The following SS18 variants were observed in gnomAD, a reference collection of about 807,000 sequenced individuals.
The protein encoded by SS18 is protein SSXT.
In SS18, 28 loss-of-function variants were observed where a neutral mutation model predicts 72.5. The observed-to-expected ratio is 0.39, with a 90% CI of 0.29 to 0.53. The LOEUF is 0.53. Among genes scored for constraint, SS18 ranks in the 20% least tolerant of loss-of-function variants. SS18 has a pLI of 0.76. For synonymous variants in SS18, 172 were observed against 164.2 expected (o/e 1.05, Z -0.37); for missense variants, 518 against 535.3 (o/e 0.97, Z 0.32).
At chr18:26,052,882 T>G in intron 4 of SS18, 37 bp from the exon 5 acceptor site, 1 of 1,568,984 alleles carries the variant, frequency 6.4e-7, no homozygotes, top group Non-Finnish European at 8.8e-7. Flanking sequence ...AATATGAAAG[T>G]TAAACAGATG....
At chr18:26,090,134 G>A (rs981046162) in intron 1 of SS18, 9 of 233,890 alleles carry the variant, frequency 3.8e-5, no homozygotes, top group Admixed American at 5.9e-5. Flanking sequence ...CGACGCCAAA[G>A]TAACTCCGGA....
chr18:26,082,490 T>C (rs977685109), intron 2 of SS18: 1 of 985,150 alleles, frequency 1.0e-6, no homozygotes, highest in African/African-American at 1.7e-5. Flanking sequence ...TTTTTTGTTG[T>C]TTGAAATTTA....
chr18:26,074,089 T>C (rs939748740), intron 3 of SS18, among the ~76,000 whole-genome samples: 3 of 152,122 alleles, frequency 2.0e-5, no homozygotes, highest in African/African-American at 7.2e-5. Context: ...TAGAGGTGAT[T>C]TTAACCAATG....
At position 26,039,333 on chromosome 18, in the gene SS18, A is replaced by G. The variant is rs750691411; in HGVS notation, c.731T>C (p.Met244Thr). The G allele has an allele frequency of 2.5e-6, 4 of 1,613,976 alleles. No homozygotes were observed. Among genetic ancestry groups the G allele is most frequent in the Non-Finnish European group, 2.5e-6 (3 of 1,179,886 alleles). The change falls in exon 6 of 11, where the codon ATG becomes ACG. Residue 244 changes from methionine (M) to threonine (T), a missense_variant. Coordinates refer to ENST00000415083, the MANE Select transcript of SS18 (RefSeq NM_001007559.3). ...MMGQVNQGNH[M>T]MGQRQIPPYR... ...GGGAGGAATCTGTCTCTGACCCATC[A>G]TATGATTGCCTTGGTTAACTTGACC...
intron 3 of SS18, among the ~76,000 whole-genome samples, chr18:26,066,601 C>T (rs2054222611): frequency 1.1e-5 from 1 of 88,224 alleles, no homozygotes; most frequent in Non-Finnish European, 1.9e-5. Context: ...GAAATTTGTG[C>T]ACACACACAC....
Position 26,017,782 on chromosome 18 carries a change from C to G in SS18, c.*572G>C. ...ACAGTGGACATATGGTGTGCTTTGT[C>G]TTCCCCTCACCTTTATCTTTATAGC... is the stretch of plus-strand genomic sequence containing the variant. On this transcript the variant is annotated 3_prime_UTR_variant, in exon 11 of 11. Coordinates refer to ENST00000415083, the MANE Select transcript of SS18 (RefSeq NM_001007559.3). 4.5e-6 allele frequency: 1 copy of G among 222,780 alleles called. No homozygotes were observed. The highest frequency in any genetic ancestry group is 9.0e-6 in the Non-Finnish European group (1 of 111,554). The allele number at this position is 222,780 out of a possible 1,614,324, so 13.8% of individuals were successfully genotyped here.
At position 26,017,363 on chromosome 18, in the gene SS18, C is replaced by T. The variant is rs2053267164; in HGVS notation, c.*991G>A. 1 of 192,018 alleles carries T rather than the reference C, an allele frequency of 5.2e-6. No homozygotes were observed. Among genetic ancestry groups the T allele is most frequent in the African/African-American group, 2.3e-5 (1 of 43,060 alleles). 11.9% of individuals were successfully genotyped at this position (192,018 alleles called of 1,614,324 possible). A position where few individuals can be genotyped will look rare whatever the true frequency, so the allele number is the denominator to read the frequency against. ...TCTCCTGAACTATTCAGTTTAATAA[C>T]CAATTATCCCTCAATATTACAAAAT... On this transcript the variant is annotated 3_prime_UTR_variant, in exon 11 of 11. Transcript: ENST00000415083.
At chr18:26,034,891 A>C in intron 9 of SS18, 114 bp downstream of exon 9, 1 of 1,364,908 alleles carries the variant, frequency 7.3e-7, no homozygotes, top group Non-Finnish European at 9.8e-7. Flanking sequence ...CTAGTCTAAA[A>C]CTGAATTTTC....
chr18:26,090,203 G>A (rs2054696712), intron 1 of SS18: 1 of 434,574 alleles, frequency 2.3e-6, no homozygotes, highest in Non-Finnish European at 4.1e-6. Flanking sequence ...GCCGCCGGGC[G>A]CACGCGCCCC....
chr18:26,051,974 T>C (rs1287146221), intron 5 of SS18, among the ~76,000 whole-genome samples: 2 of 152,168 alleles, frequency 1.3e-5, no homozygotes, highest in Non-Finnish European at 2.9e-5. Context: ...CTTAACTTCA[T>C]TACATTTTGT....
In SS18 at chr18:26,039,435, G is replaced by A; in HGVS notation, c.629C>T (p.Pro210Leu). The change falls in exon 6 of 11, where the codon CCT becomes CTT. Residue 210 changes from proline (P) to leucine (L), a missense_variant. By Grantham distance (98) the Pro-to-Leu change is moderately conservative (BLOSUM62 -3). Coordinates refer to ENST00000415083, the MANE Select transcript of SS18 (RefSeq NM_001007559.3). ...PNQGPMMHQQ[P>L]PSQQYNMPQG... Reference sequence around the variant, plus strand: ...TGGCATATTGTATTGCTGAGAAGGAGGCTGCTGATGCATCATTGGACCTGA... The same window carrying A: ...TGGCATATTGTATTGCTGAGAAGGAAGCTGCTGATGCATCATTGGACCTGA... 1 of 1,613,514 alleles carries A rather than the reference G, an allele frequency of 6.2e-7. No individual in the cohort carries two copies. The highest frequency in any genetic ancestry group is 8.5e-7 in the Non-Finnish European group (1 of 1,179,650).
chr18:26,023,326 T>C (rs1024345304), intron 10 of SS18, among the ~76,000 whole-genome samples: 1 of 152,116 alleles, frequency 6.6e-6, no homozygotes, highest in Non-Finnish European at 1.5e-5. Flanking sequence ...ACCAAACTTG[T>C]AGAGATGAAA....
At chr18:26,088,264 G>A (rs369211516) in intron 1 of SS18, among the ~76,000 whole-genome samples, 1 of 152,014 alleles carries the variant, frequency 6.6e-6, no homozygotes, top group African/African-American at 2.4e-5. Flanking sequence ...AGTCCGAGTT[G>A]GTTTTTCATC....
At chr18:26,045,460 G>A (rs2053804115) in intron 5 of SS18, among the ~76,000 whole-genome samples, 1 of 152,082 alleles carries the variant, frequency 6.6e-6, no homozygotes, top group Non-Finnish European at 1.5e-5. Context: ...ATCTGCCTGT[G>A]CCACATTCTT....
At chr18:26,045,861 T>G (rs938559346) in intron 5 of SS18, among the ~76,000 whole-genome samples, 1 of 152,148 alleles carries the variant, frequency 6.6e-6, no homozygotes, top group African/African-American at 2.4e-5. Flanking sequence ...AGAAAATATT[T>G]AATTCACTGT....
chr18:26,035,574 A>G lies in SS18; in HGVS notation c.973+257T>C. 2.9e-6 allele frequency: 1 copy of G among 345,336 alleles called. No homozygotes were observed. The allele number at this position is 345,336 out of a possible 1,614,324, so 21.4% of individuals were successfully genotyped here. A position where few individuals can be genotyped will look rare whatever the true frequency, so the allele number is the denominator to read the frequency against. On this transcript the variant is annotated intron_variant, in intron 8 of 10. Coordinates refer to ENST00000415083, the MANE Select transcript of SS18 (RefSeq NM_001007559.3). This position sits in a 1 kb window ranked among gnomAD's most constrained non-coding sequence, Gnocchi z 4.4. ...GTTTGATGGATTTATGTTCAAATAGAAAATTTCCACTGAGGAAAAAATTAT... is the reference window on the plus strand; with the variant it reads ...GTTTGATGGATTTATGTTCAAATAGGAAATTTCCACTGAGGAAAAAATTAT...
chr18:26,078,720 C>T (rs931299832), intron 2 of SS18, among the ~76,000 whole-genome samples: 2 of 152,086 alleles, frequency 1.3e-5, no homozygotes, highest in Non-Finnish European at 2.9e-5. Context: ...ACCCCCGTCT[C>T]TCCTAAAAAT....
intron 10 of SS18, among the ~76,000 whole-genome samples, chr18:26,027,244 T>C (rs2053460843): frequency 6.6e-6 from 1 of 152,226 alleles, no homozygotes; most frequent in Non-Finnish European, 1.5e-5. Flanking sequence ...AGTGTGGTAC[T>C]GGCATAAAGA....
chr18:26,028,132 T>C (rs2053482885), intron 10 of SS18, among the ~76,000 whole-genome samples: 1 of 152,000 alleles, frequency 6.6e-6, no homozygotes, highest in Non-Finnish European at 1.5e-5. Context: ...AATTTAAAAA[T>C]GAGCAAAAGA....
Sources: gnomAD v4.1 joint callset for allele counts (sites outside exome capture counted in the v4.1 genomes callset) on GRCh38, gnomAD v4.1.1 for gene constraint, Gnocchi (gnomAD v3.1) non-coding constraint, MANE v1.5 for transcripts, NCBI Gene and HGNC (gene_info 2026-07-23, HGNC 2026-07-21) for gene names.